The following DNAH17 variants were observed in gnomAD, a reference collection of about 807,000 sequenced individuals.
DNAH17 encodes the protein dynein axonemal heavy chain 17.
In DNAH17, 376 loss-of-function variants were observed where a neutral mutation model predicts 485.6. That is an observed-to-expected ratio of 0.77 (90% CI 0.71 to 0.84). The LOEUF is 0.84. Ranked by LOEUF, DNAH17 falls within the 40% of genes least tolerant of loss-of-function variation. DNAH17 has a pLI of 0.00. For synonymous variants in DNAH17, 3,031 were observed against 2,405.9 expected (o/e 1.26, Z -7.60); for missense variants, 6,370 against 5,839.3 (o/e 1.09, Z -2.96).
chr17:78,535,274 C>T (rs551105494), intron 19 of DNAH17, among the ~76,000 whole-genome samples: 28 of 152,322 alleles, frequency 1.8e-4, no homozygotes, highest in African/African-American at 6.5e-4. Context: ...GTCTGCATAA[C>T]TGGGGCAAAT....
At chr17:78,502,271 TTC>T in intron 33 of DNAH17, 1 of 330,878 alleles carries the variant, frequency 3.0e-6, no homozygotes, top group Non-Finnish European at 5.5e-6. Flanking sequence ...TCTCCTTCTT[TTC>T]AAGATGATCT....
At chr17:78,489,791 C>T (rs1239026231) in intron 44 of DNAH17, among the ~76,000 whole-genome samples, 2 of 142,216 alleles carry the variant, frequency 1.4e-5, no homozygotes, top group East Asian at 2.1e-4. Flanking sequence ...TGGGGTTGGA[C>T]ACACATGGCA....
intron 73 of DNAH17, 26 bp downstream of exon 73, chr17:78,439,064 A>G: frequency 1.2e-6 from 2 of 1,609,614 alleles, no homozygotes; most frequent in Non-Finnish European, 1.7e-6. Context: ...GGGAGCCCTT[A>G]CCCTGCAGTG....
At chr17:78,536,152 G>T (rs1198282237) in intron 19 of DNAH17, among the ~76,000 whole-genome samples, 1 of 152,064 alleles carries the variant, frequency 6.6e-6, no homozygotes, top group African/African-American at 2.4e-5. Flanking sequence ...TACATTACAG[G>T]ACTGAGGCCG....
chr17:78,576,459 A>G (rs566832880), intron 1 of DNAH17, among the ~76,000 whole-genome samples: 2 of 152,250 alleles, frequency 1.3e-5, no homozygotes, highest in Admixed American at 1.3e-4. Context: ...TCTGTGAAAG[A>G]AAAAGGGGAC....
At chr17:78,545,569 G>C (rs1015490405) in intron 16 of DNAH17, among the ~76,000 whole-genome samples, 2 of 152,040 alleles carry the variant, frequency 1.3e-5, no homozygotes, top group Admixed American at 6.6e-5. Context: ...AATCTCCTTC[G>C]TGATGGCTCT....
chr17:78,528,026 G>A (rs192745150), intron 22 of DNAH17, among the ~76,000 whole-genome samples: 268 of 151,848 alleles, frequency 1.8e-3, no homozygotes, highest in African/African-American at 5.6e-3. Context: ...TAATCTGCCC[G>A]CCTCGGCCTC....
At chr17:78,443,351 T>C (rs557653806) in intron 71 of DNAH17, among the ~76,000 whole-genome samples, 1 of 152,222 alleles carries the variant, frequency 6.6e-6, no homozygotes, top group African/African-American at 2.4e-5. Flanking sequence ...CCCCGCTTCC[T>C]CCAGCTCTGA....
chr17:78,460,179 G>C lies in DNAH17; in HGVS notation c.9418C>G (p.Leu3140Val), dbSNP rs754594014. The C allele has an allele frequency of 3.1e-6, 5 of 1,607,796 alleles. No individual in the cohort carries two copies. The highest frequency in any genetic ancestry group is 8.5e-7 in the Non-Finnish European group (1 of 1,176,838). Reference protein sequence around the residue: ...EPALLAAQEALDTLNKNNLTE... With the variant: ...EPALLAAQEAVDTLNKNNLTE... ...CCCTTTACCTTATTCAGAGTGTCCA[G>C]AGCCTCCTGGGCTGCCAGCAGGGCC... The change falls in exon 59 of 81, where the codon CTG becomes GTG. Residue 3140 changes from leucine (L) to valine (V), a missense_variant. Leu to Val is a conservative substitution (Grantham distance 32). Transcript: ENST00000389840.
Position 78,506,848 on chromosome 17 carries a change from TG to T in DNAH17, c.4677-3del. ...AAAGCCTTTTCACAGATGGCCAAGC[TG>T]GGAGGAAGGAAGGAAGTAGAGGAGG... On this transcript the variant is annotated splice_region_variant and splice_polypyrimidine_tract_variant and intron_variant, in intron 29 of 80. Transcript: ENST00000389840. The T allele has an allele frequency of 6.2e-7, 1 of 1,613,916 alleles. No homozygotes were observed.
At chr17:78,488,866 C>T (rs11654661) in intron 44 of DNAH17, among the ~76,000 whole-genome samples, 32,613 of 151,762 alleles carry the variant, frequency 0.21, 3,724 homozygotes, top group East Asian at 0.27. Context: ...GTCCATAAGC[C>T]AAGGGATGCC....
At chr17:78,509,069 C>T (rs1288425985) in intron 27 of DNAH17, among the ~76,000 whole-genome samples, 1 of 82,434 alleles carries the variant, frequency 1.2e-5, no homozygotes, top group Non-Finnish European at 2.6e-5. Context: ...CAGGTTCAAG[C>T]GATTCTCCTG....
chr17:78,563,913 T>C (rs893202842), intron 11 of DNAH17, among the ~76,000 whole-genome samples: 1 of 151,952 alleles, frequency 6.6e-6, no homozygotes, highest in African/African-American at 2.4e-5. Context: ...TCCCCCTGCC[T>C]CCCTCCCCTC....
In DNAH17 at chr17:78,532,606, T is replaced by C. The variant is rs761387296; in HGVS notation, c.2990A>G (p.Asn997Ser). 2.1e-5 allele frequency: 34 copies of C among 1,607,310 alleles called. No individual in the cohort carries two copies. The Admixed American group carries it at 5.8e-4, about 27-fold the overall frequency. The stretch of plus-strand genomic sequence containing the variant: ...GAAATTCTTCATAAACTCCTGCAGG[T>C]TGTCCGTCCAGAGGTAGGAGTACCT... ...FERYSYLWTD[N>S]LQEFMKNFLI... is the part of the protein sequence containing the mutation. Residue 997 changes from asparagine to serine, a missense_variant, in exon 20 of 81, where the codon AAC becomes AGC. Physicochemically the swap from Asn to Ser is conservative, Grantham distance 46 (BLOSUM62 1). Transcript: ENST00000389840.
intron 58 of DNAH17, among the ~76,000 whole-genome samples, chr17:78,461,074 C>T (rs1018593091): frequency 2.0e-4 from 30 of 151,802 alleles, no homozygotes; most frequent in Non-Finnish European, 3.2e-4. Flanking sequence ...CAGCCACCCC[C>T]AACCAGCAAG....
chr17:78,525,990 C>A (rs759878274), intron 24 of DNAH17, among the ~76,000 whole-genome samples: 9 of 152,220 alleles, frequency 5.9e-5, no homozygotes, highest in Admixed American at 2.0e-4. Context: ...GGGGCCGACC[C>A]AGCAGTACCT....
chr17:78,569,852 C>T (rs1157792675), intron 7 of DNAH17, among the ~76,000 whole-genome samples: 1 of 152,132 alleles, frequency 6.6e-6, no homozygotes, highest in East Asian at 1.9e-4. Context: ...CCCAGGGATA[C>T]AGCCCTTCAG....
intron 9 of DNAH17, among the ~76,000 whole-genome samples, chr17:78,568,175 G>A (rs1460366844): frequency 6.6e-6 from 1 of 152,162 alleles, no homozygotes; most frequent in Non-Finnish European, 1.5e-5. Context: ...TTCCTACCCA[G>A]AATCTTCCTT....
Position 78,569,151 on chromosome 17 carries a change from G to T in DNAH17, c.1284+15C>A. ...TGGGAAGTGGAGGTCAAGATGCACC[G>T]AGTTCTGTTTTTACCTCAATGGTCT... On this transcript the variant is annotated intron_variant, in intron 9 of 80. Coordinates refer to ENST00000389840, the MANE Select transcript of DNAH17 (RefSeq NM_173628.4). 1.3e-6 allele frequency: 2 copies of T among 1,579,036 alleles called. No individual in the cohort carries two copies. The highest frequency in any genetic ancestry group is 1.7e-6 in the Non-Finnish European group (2 of 1,160,118).
Sources: gnomAD v4.1 joint callset for allele counts (sites outside exome capture counted in the v4.1 genomes callset) on GRCh38, gnomAD v4.1.1 for gene constraint, MANE v1.5 for transcripts, NCBI Gene and HGNC (gene_info 2026-07-23, HGNC 2026-07-21) for gene names.